The following ADRA1A variants were observed in gnomAD, a reference collection of about 807,000 sequenced individuals.
The protein encoded by ADRA1A is alpha-1A adrenergic receptor.
In ADRA1A, 31 loss-of-function variants were observed where a neutral mutation model predicts 29.6. The observed-to-expected ratio is 1.05, with a 90% CI of 0.79 to 1.41. The LOEUF is 1.41. Among genes scored for constraint, ADRA1A ranks in the 40% most tolerant of loss-of-function variants. The probability of loss-of-function intolerance (pLI) is 0.00; values close to 1 mark genes in which losing one functional copy is unlikely to be tolerated. For synonymous variants in ADRA1A, 311 were observed against 254.3 expected (o/e 1.22, Z -2.12); for missense variants, 619 against 601.1 (o/e 1.03, Z -0.31).
Position 26,864,009 on chromosome 8 carries a change from G to T in ADRA1A, c.883+78C>A. 6.9e-7 allele frequency: 1 copy of T among 1,445,322 alleles called. No homozygotes were observed. Among genetic ancestry groups the T allele is most frequent in the Non-Finnish European group, 9.4e-7 (1 of 1,066,564 alleles). 89.5% of individuals were successfully genotyped at this position (1,445,322 alleles called of 1,614,324 possible). A position where few individuals can be genotyped will look rare whatever the true frequency, so the allele number is the denominator to read the frequency against. On this transcript the variant is annotated intron_variant, in intron 2 of 2. Coordinates refer to ENST00000380573, the MANE Select transcript of ADRA1A (RefSeq NM_000680.4). The surrounding 1 kb of genome is among the most constrained non-coding windows in gnomAD (Gnocchi z 8.1). ...TGCTAATCCTTCCTCTTCCATCCCG[G>T]ACTGGGAGTCTGGGGTAACAGAAGC...
intron 2 of ADRA1A, among the ~76,000 whole-genome samples, chr8:26,829,650 C>T (rs67372562): frequency 0.037 from 5,594 of 152,124 alleles, 173 homozygotes; most frequent in Non-Finnish European, 0.056. Context: ...AGAAATACAG[C>T]TCCAAGTTAC....
At chr8:26,859,500 A>C (rs1473543432) in intron 2 of ADRA1A, among the ~76,000 whole-genome samples, 1 of 152,220 alleles carries the variant, frequency 6.6e-6, no homozygotes, top group African/African-American at 2.4e-5. Context: ...ATAGACTTGC[A>C]ATAATTGTTG....
chr8:26,760,909 G>T (rs1298778737), downstream of ADRA1A, among the ~76,000 whole-genome samples: 2 of 152,140 alleles, frequency 1.3e-5, no homozygotes, highest in Non-Finnish European at 2.9e-5. Flanking sequence ...AGCCTTTCTG[G>T]GTGGATCTTC....
chr8:26,846,728 C>T (rs539729784), intron 2 of ADRA1A, among the ~76,000 whole-genome samples: 41 of 152,288 alleles, frequency 2.7e-4, no homozygotes, highest in Admixed American at 4.6e-4. Flanking sequence ...GCCGCGATCG[C>T]GCCATTGCAC....
rs932064088 is a variant in ADRA1A at position 26,831,222 on chromosome 8, T to C, written c.883+32865A>G. The stretch of plus-strand genomic sequence containing the variant: ...ATAATAGCATGCCTAACATAGCTAA[T>C]AAGAGAGATTTAAAACAATTGGCAG... On this transcript the variant is annotated intron_variant, in intron 2 of 2. Transcript: ENST00000380573. This position sits in a 1 kb window ranked among gnomAD's most constrained non-coding sequence, Gnocchi z 5.2. Among the ~76,000 whole-genome samples the C allele has an allele frequency of 6.6e-6, 1 of 152,170 alleles. No homozygotes were observed. Among genetic ancestry groups the C allele is most frequent in the African/African-American group, 2.4e-5 (1 of 41,442 alleles).
Position 26,814,361 on chromosome 8 carries a change from A to C in ADRA1A, c.884-43695T>G, listed in dbSNP as rs1389389940. On this transcript the variant is annotated intron_variant, in intron 2 of 2. Transcript: ENST00000380573. ...TGGGTTTAAGCAATCTTCCCACCTC[A>C]GCCTCCTGAGTAGTAGGGACTGCAG... Among the ~76,000 whole-genome samples, 4 of 152,174 alleles carry C rather than the reference A, an allele frequency of 2.6e-5. No individual in the cohort carries two copies. In the East Asian group the frequency reaches 7.7e-4, roughly 29 times the overall value.
In ADRA1A at chr8:26,770,001, T is replaced by C; in HGVS notation, c.*148A>G. On this transcript the variant is annotated 3_prime_UTR_variant, in exon 3 of 3. Coordinates refer to ENST00000380573, the MANE Select transcript of ADRA1A (RefSeq NM_000680.4). ...TCTTCCCTGTGCCCTACCCGCTGCC[T>C]GATGAGTTGGGTCTACCACCCACCC... is the stretch of plus-strand genomic sequence containing the variant. 6.9e-7 allele frequency: 1 copy of C among 1,447,328 alleles called. No individual in the cohort carries two copies. The highest frequency in any genetic ancestry group is 9.1e-7 in the Non-Finnish European group (1 of 1,104,402). 89.7% of individuals were successfully genotyped at this position (1,447,328 alleles called of 1,614,324 possible). A position where few individuals can be genotyped will look rare whatever the true frequency, so the allele number is the denominator to read the frequency against.
intron 2 of ADRA1A, among the ~76,000 whole-genome samples, chr8:26,816,341 A>C (rs1466186442): frequency 6.6e-6 from 1 of 152,198 alleles, no homozygotes; most frequent in Non-Finnish European, 1.5e-5. Flanking sequence ...ATTGGGATCA[A>C]AGCAAATCAC....
In ADRA1A at chr8:26,787,019, T is replaced by C. The variant is rs114586471; in HGVS notation, c.884-16353A>G. Among the ~76,000 whole-genome samples, 3,159 of 152,276 alleles carry C rather than the reference T, an allele frequency of 0.021. 103 individuals are homozygous for C. Among genetic ancestry groups the C allele is most frequent in the African/African-American group, 0.07 (2,890 of 41,570 alleles). ...CCATTTAATTCTCCCAAGAACATGA[T>C]GTGACTGTATTACCAACCTCATCTT... On this transcript the variant is annotated intron_variant, in intron 2 of 2. Transcript: ENST00000380573. This position sits in a 1 kb window ranked among gnomAD's most constrained non-coding sequence, Gnocchi z 4.2.
chr8:26,820,861 C>G (rs992825392), intron 2 of ADRA1A, among the ~76,000 whole-genome samples: 1 of 147,806 alleles, frequency 6.8e-6, no homozygotes, highest in Non-Finnish European at 1.5e-5. Context: ...TTAGTGTAAC[C>G]TTTACCATAT....
exon 3 of ADRA1A, chr8:26,756,404 C>G: frequency 7.6e-7 from 1 of 1,323,554 alleles, no homozygotes; most frequent in South Asian, 1.5e-5. Flanking sequence ...TCCTCACACC[C>G]TACACGTGGC....
At chr8:26,765,524 C>G (rs1393180776), downstream of ADRA1A, among the ~76,000 whole-genome samples, 1 of 152,242 alleles carries the variant, frequency 6.6e-6, no homozygotes, top group Non-Finnish European at 1.5e-5. Flanking sequence ...CAGGTGCAAA[C>G]AGTGTTCCAA....
At chr8:26,776,636 T>G (rs1380098669) in intron 2 of ADRA1A, among the ~76,000 whole-genome samples, 1 of 152,142 alleles carries the variant, frequency 6.6e-6, no homozygotes, top group Non-Finnish European at 1.5e-5. Flanking sequence ...CATGGAAGTG[T>G]TAATGGCAGT....
At chr8:26,764,798 G>T (rs73558253), downstream of ADRA1A, among the ~76,000 whole-genome samples, 2,089 of 152,238 alleles carry the variant, frequency 0.014, 50 homozygotes, top group African/African-American at 0.047. Flanking sequence ...TCTCTACTGC[G>T]TTTGAATGCA....
chr8:26,856,310 C>T (rs1048090268), intron 2 of ADRA1A, among the ~76,000 whole-genome samples: 1 of 152,166 alleles, frequency 6.6e-6, no homozygotes, highest in Non-Finnish European at 1.5e-5. Flanking sequence ...GGATACAGCT[C>T]CCCTTGTCCT....
chr8:26,755,194 C>CT (rs34376542), downstream of ADRA1A, among the ~76,000 whole-genome samples: 15,041 of 145,402 alleles, frequency 0.1, 780 homozygotes, highest in African/African-American at 0.12. Flanking sequence ...AATAGACCTC[C>CT]TTTTTTTTTT....
In ADRA1A at chr8:26,769,519, C is replaced by A; in HGVS notation, c.*630G>T. Reference sequence around the variant, plus strand: ...AGACATCATGAGTGCCCCTCACTCTCATCTTTGGGAAATGAGGAGCAGCAT... The same window carrying A: ...AGACATCATGAGTGCCCCTCACTCTAATCTTTGGGAAATGAGGAGCAGCAT... On this transcript the variant is annotated 3_prime_UTR_variant, in exon 3 of 3. Coordinates refer to ENST00000380573, the MANE Select transcript of ADRA1A (RefSeq NM_000680.4). The A allele has an allele frequency of 6.1e-6, 6 of 985,406 alleles. No homozygotes were observed. The highest frequency in any genetic ancestry group is 7.2e-6 in the Non-Finnish European group (6 of 829,928). The allele number at this position is 985,406 out of a possible 1,614,324, so 61.0% of individuals were successfully genotyped here.
At chr8:26,757,531 G>A (rs1198038674) in intron 2 of ADRA1A, among the ~76,000 whole-genome samples, 1 of 145,410 alleles carries the variant, frequency 6.9e-6, no homozygotes, top group African/African-American at 2.6e-5. Context: ...CCCCACCTCT[G>A]CTCCATCAGG....
chr8:26,850,025 C>CAAAAAAAAAAAAAAAAAAACAAAAAACA (rs141672591), intron 2 of ADRA1A, among the ~76,000 whole-genome samples: 1 of 121,540 alleles, frequency 8.2e-6, no homozygotes, highest in African/African-American at 3.2e-5. Context: ...GAGAGAAATG[C>CAAAAAAAAAAAAAAAAAAACAAAAAACA]AAAAACAAAA....
Sources: allele counts gnomAD v4.1 joint callset (sites outside exome capture counted in the v4.1 genomes callset), GRCh38; gene constraint gnomAD v4.1.1; non-coding constraint Gnocchi (gnomAD v3.1); transcripts MANE v1.5; gene names NCBI Gene and HGNC (gene_info 2026-07-23, HGNC 2026-07-21).